The following TMC3 variants were observed in gnomAD, a reference collection of about 807,000 sequenced individuals.
The protein encoded by TMC3 is transmembrane channel like 3.
A neutral mutation model predicts 110.6 loss-of-function variants in TMC3; 98 were observed. The observed-to-expected ratio is 0.89, with a 90% CI of 0.75 to 1.05. The LOEUF (loss-of-function observed/expected upper bound fraction) is 1.05, where lower values mean the gene tolerates loss of function less well. Ranked by LOEUF, TMC3 falls within the 50% of genes least tolerant of loss-of-function variation. The pLI, the probability that TMC3 is intolerant of heterozygous loss-of-function variation, is 0.00. For missense variants in TMC3, 1,319 were observed against 1,373.2 expected, an observed-to-expected ratio of 0.96 and a Z score of 0.62; for synonymous variants, 489 against 513.1, an observed-to-expected ratio of 0.95 and a Z score of 0.63.
At chr15:81,335,239 A>C (rs1432744631) in intron 20 of TMC3, among the ~76,000 whole-genome samples, 1 of 152,232 alleles carries the variant, frequency 6.6e-6, no homozygotes, top group African/African-American at 2.4e-5. Context: ...CATGAGGCAA[A>C]GCAAGTACTT....
intron 20 of TMC3, chr15:81,335,798 T>G (rs1212858330): frequency 2.6e-5 from 4 of 152,268 alleles, no homozygotes; most frequent in Admixed American, 6.5e-5. Flanking sequence ...TCCATCTCCT[T>G]CGAGCTGCCG....
In TMC3 at chr15:81,341,460, G is replaced by C; in HGVS notation, c.1774C>G (p.Leu592Val). Residue 592 changes from leucine (L) to valine (V), a missense_variant, in exon 16 of 22, where the codon CTC (leucine) becomes GTC (valine). By Grantham distance (32) the Leu-to-Val change is conservative. Transcript: ENST00000359440. ...ACAGCCCAGCTTCTCAGGTACATGA[G>C]CCCAATGAGTTTGAGAACGTTGAAC... ...PAFNVLKLIG[L>V]MYLRSWAVLT... The C allele has an allele frequency of 1.2e-6, 2 of 1,611,688 alleles. No homozygotes were observed. The highest frequency in any genetic ancestry group is 1.3e-5 in the African/African-American group (1 of 75,016).
intron 8 of TMC3, 127 bp downstream of exon 8, chr15:81,356,320 G>T: frequency 2.0e-6 from 2 of 987,696 alleles, no homozygotes; most frequent in South Asian, 6.0e-5. Context: ...CCTCACTTTG[G>T]AAACAACTGC....
chr15:81,372,107 GTCT>G (rs1894446036), intron 2 of TMC3, among the ~76,000 whole-genome samples: 1 of 148,750 alleles, frequency 6.7e-6, no homozygotes, highest in Non-Finnish European at 1.5e-5. Context: ...TTCCTATAAA[GTCT>G]TTTTTTTTTT....
intron 10 of TMC3, among the ~76,000 whole-genome samples, chr15:81,350,336 T>G (rs543950599): frequency 1.3e-5 from 2 of 152,338 alleles, no homozygotes; most frequent in South Asian, 4.1e-4. Flanking sequence ...TGGAAATAAC[T>G]GCAACTATTA....
At position 81,344,912 on chromosome 15, in the gene TMC3, G is replaced by T; in HGVS notation, c.1372C>A (p.Pro458Thr). 1 of 1,613,870 alleles carries T rather than the reference G, an allele frequency of 6.2e-7. No individual in the cohort carries two copies. The highest frequency in any genetic ancestry group is 1.3e-5 in the African/African-American group (1 of 75,008). The change falls in exon 13 of 22, where the codon CCT becomes ACT. Residue 458 changes from proline to threonine, a missense_variant. Physicochemically the swap from Pro to Thr is conservative, Grantham distance 38 (BLOSUM62 -1). Transcript: ENST00000359440. ...TTGTTTCTCCTGAGCCCCATTCCAGGCCGAGATGTGGACCATTTCTCTTCT... is the reference window on the plus strand; with the variant it reads ...TTGTTTCTCCTGAGCCCCATTCCAGTCCGAGATGTGGACCATTTCTCTTCT... ...PEEEKWSTSR[P>T]GMGLRRNNTW...
At chr15:81,364,700 CAAAAAAA>C (rs71153571) in intron 3 of TMC3, among the ~76,000 whole-genome samples, 31 of 110,328 alleles carry the variant, frequency 2.8e-4, no homozygotes, top group Admixed American at 4.8e-4. Context: ...AACATTATTC[CAAAAAAA>C]AAAAAATAAA....
chr15:81,365,473 C>A lies in TMC3; in HGVS notation c.312+2780G>T, dbSNP rs1490698899. Among the ~76,000 whole-genome samples, 4 of 152,024 alleles carry A rather than the reference C, an allele frequency of 2.6e-5. No individual in the cohort carries two copies. The East Asian group carries it at 7.7e-4, about 29-fold the overall frequency. On this transcript the variant is annotated intron_variant, in intron 3 of 21. Coordinates refer to ENST00000359440, the MANE Select transcript of TMC3 (RefSeq NM_001080532.3). The stretch of plus-strand genomic sequence containing the variant: ...AGATCACAAGGTCAGGAGTTCGAGA[C>A]CAGACTGACCAACATGGTGAAACCC...
intron 1 of TMC3, 48 bp downstream of exon 1, chr15:81,373,941 C>T (rs1400016197): frequency 2.5e-6 from 4 of 1,572,796 alleles, no homozygotes; most frequent in Non-Finnish European, 2.6e-6. Flanking sequence ...GCATTCCTTC[C>T]TCACACACCT....
rs755371613 is a variant in TMC3, at chr15:81,336,618, T to C, written c.2194A>G (p.Met732Val). The change falls in exon 20 of 22, where the codon ATG (methionine) becomes GTG (valine). Residue 732 changes from methionine (M) to valine (V), a missense_variant. Coordinates refer to ENST00000359440, the MANE Select transcript of TMC3 (RefSeq NM_001080532.3). ...RSEDKKKVAQ[M>V]VEARIQTQEE... ...AAACGGAAATACTTACCTTCTACCA[T>C]CTGGGCAACCTTTTTCTTATCCTCT... 8.7e-6 allele frequency: 14 copies of C among 1,613,740 alleles called. No individual in the cohort carries two copies. The highest frequency in any genetic ancestry group is 3.3e-5 in the Admixed American group (2 of 59,998).
At chr15:81,347,214 G>T (rs1186979347) in intron 11 of TMC3, among the ~76,000 whole-genome samples, 1 of 152,240 alleles carries the variant, frequency 6.6e-6, no homozygotes, top group Non-Finnish European at 1.5e-5. Flanking sequence ...ACACTTCAGT[G>T]AGACAACACT....
chr15:81,360,678 A>G (rs1483385245), intron 4 of TMC3, among the ~76,000 whole-genome samples: 1 of 151,868 alleles, frequency 6.6e-6, no homozygotes, highest in Non-Finnish European at 1.5e-5. Context: ...AGTCTATCCC[A>G]CCAGCAGTTC....
chr15:81,358,750 C>T (rs1431475152), intron 5 of TMC3, among the ~76,000 whole-genome samples: 1 of 151,176 alleles, frequency 6.6e-6, no homozygotes, highest in Non-Finnish European at 1.5e-5. Flanking sequence ...TTATTAAGAC[C>T]CCTGTTGGGA....
At chr15:81,339,612 A>C in intron 16 of TMC3, 108 bp from the exon 17 acceptor site, 1 of 808,888 alleles carries the variant, frequency 1.2e-6, no homozygotes, top group South Asian at 1.5e-5. Context: ...CTCTTTGCAA[A>C]CTAAAAATCC....
At chr15:81,342,064 C>G (rs1043719719) in intron 15 of TMC3, among the ~76,000 whole-genome samples, 1 of 152,180 alleles carries the variant, frequency 6.6e-6, no homozygotes, top group Non-Finnish European at 1.5e-5. Flanking sequence ...AAGGCTGACT[C>G]TATATCATCC....
rs1893713774 is a variant in TMC3, at chr15:81,341,466, T to C, written c.1768A>G (p.Ile590Val). 4 of 1,611,378 alleles carry C rather than the reference T, an allele frequency of 2.5e-6. No homozygotes were observed. In the East Asian group the frequency reaches 8.9e-5, roughly 36 times the overall value. ...CLPAFNVLKL[I>V]GLMYLRSWAV... ...CAGCTTCTCAGGTACATGAGCCCAA[T>C]GAGTTTGAGAACGTTGAACGCTGGG... is the stretch of plus-strand genomic sequence containing the variant. Residue 590 changes from isoleucine (I) to valine (V), a missense_variant, in exon 16 of 22, where the codon ATT becomes GTT. By Grantham distance (29) the Ile-to-Val change is conservative (BLOSUM62 3). Transcript: ENST00000359440.
chr15:81,341,528 T>A lies in TMC3; in HGVS notation c.1716-10A>T, dbSNP rs769719412. On this transcript the variant is annotated splice_polypyrimidine_tract_variant and intron_variant, in intron 15 of 21. Transcript: ENST00000359440. The stretch of plus-strand genomic sequence containing the variant: ...GAAGAAGGCCCCCATCCTGGAACCA[T>A]GAGGAAGGTCAGTTTGCATCTGTTC... 3 of 1,607,292 alleles carry A rather than the reference T, an allele frequency of 1.9e-6. No individual in the cohort carries two copies. Among genetic ancestry groups the A allele is most frequent in the African/African-American group, 1.3e-5 (1 of 74,792 alleles).
intron 2 of TMC3, among the ~76,000 whole-genome samples, chr15:81,371,293 T>C (rs1480220358): frequency 2.0e-5 from 3 of 152,272 alleles, no homozygotes; most frequent in African/African-American, 7.2e-5. Flanking sequence ...TGACTTCAGC[T>C]ATCTTTCACA....
At chr15:81,334,583 T>C (rs1453218828) in intron 21 of TMC3, 137 bp downstream of exon 21, 1 of 1,206,856 alleles carries the variant, frequency 8.3e-7, no homozygotes, top group African/African-American at 1.5e-5. Flanking sequence ...CATTTCTTTT[T>C]AGTACCAGCT....
Sources: gnomAD v4.1 joint callset for allele counts (sites outside exome capture counted in the v4.1 genomes callset) on GRCh38, gnomAD v4.1.1 for gene constraint, MANE v1.5 for transcripts, NCBI Gene and HGNC (gene_info 2026-07-23, HGNC 2026-07-21) for gene names.